Variants in ATG2B observed in about 807,000 individuals in gnomAD.
The protein encoded by ATG2B is autophagy related 2B, also known as autophagy-related protein 2 homolog B.
A neutral mutation model predicts 241.3 loss-of-function variants in ATG2B; 121 were observed. That is an observed-to-expected ratio of 0.50 (90% confidence interval 0.43 to 0.58). The LOEUF is 0.58. ATG2B is among the 20% of genes least tolerant of loss of function. The pLI, the probability that ATG2B is intolerant of heterozygous loss-of-function variation, is 0.00. For missense variants in ATG2B, 2,306 were observed against 2,491.6 expected (o/e 0.93, Z 1.59); for synonymous variants, 858 against 876.6 (o/e 0.98, Z 0.37).
chr14:96,290,484 T>C lies in ATG2B; in HGVS notation c.5808A>G (p.Thr1936=), dbSNP rs756258909. 6.2e-7 allele frequency: 1 copy of C among 1,614,260 alleles called. No homozygotes were observed. The highest frequency in any genetic ancestry group is 1.3e-5 in the African/African-American group (1 of 75,066). ...QRGAASFGTS[T]AMAALELTNR... ...TTGTGAGTTCTAGAGCAGCCATCGC[T>C]GTCGAGGTACCAAAGGAAGCAGCGC... Residue 1936 remains threonine (T), a synonymous_variant, in exon 40 of 42, where the codon ACA becomes ACG. Coordinates refer to ENST00000359933, the MANE Select transcript of ATG2B (RefSeq NM_018036.7). This position sits in a 1 kb window ranked among gnomAD's most constrained non-coding sequence, Gnocchi z 4.4.
Position 96,313,128 on chromosome 14 carries a change from A to G in ATG2B, c.3779T>C (p.Leu1260Pro). The G allele has an allele frequency of 6.2e-7, 1 of 1,613,686 alleles. No homozygotes were observed. The highest frequency in any genetic ancestry group is 8.5e-7 in the Non-Finnish European group (1 of 1,179,730). The change falls in exon 25 of 42, where the codon CTT (leucine) becomes CCT (proline). Residue 1260 changes from leucine (L) to proline (P), a missense_variant. By Grantham distance (98) the Leu-to-Pro change is moderately conservative. This residue lies in a region of ATG2B where 1,927 missense variants were observed against 2,011.2 expected (regional missense o/e 0.96). Coordinates refer to ENST00000359933, the MANE Select transcript of ATG2B (RefSeq NM_018036.7). ...RPLYLPIRSL[L>P]TVETFSVSSS... ...GGAAACACTGAATGTTTCCACGGTA[A>G]GAAGAGATCGGATTGGCAAATAAAG...
At chr14:96,306,581 A>T in intron 30 of ATG2B, 133 bp downstream of exon 30, 2 of 682,832 alleles carry the variant, frequency 2.9e-6, no homozygotes, top group Non-Finnish European at 4.7e-6. Flanking sequence ...AACTGTCAAT[A>T]GTATATTAAA....
chr14:96,330,501 C>A (rs1005391751), intron 11 of ATG2B, among the ~76,000 whole-genome samples: 1 of 151,486 alleles, frequency 6.6e-6, no homozygotes, highest in South Asian at 2.1e-4. Context: ...TGGTGGCTCA[C>A]GCCTGTAATC....
chr14:96,309,967 GC>G (rs1887104572), intron 28 of ATG2B, among the ~76,000 whole-genome samples: 1 of 152,122 alleles, frequency 6.6e-6, no homozygotes, highest in Non-Finnish European at 1.5e-5. Flanking sequence ...TTGACATAAA[GC>G]CCCTGTAGGA....
At chr14:96,301,289 C>G (rs947889101) in intron 34 of ATG2B, among the ~76,000 whole-genome samples, 1 of 135,854 alleles carries the variant, frequency 7.4e-6, no homozygotes, top group Non-Finnish European at 1.6e-5. Context: ...TGTTCAGTAA[C>G]TTACCCGAAG....
At chr14:96,339,775 C>T (rs923069291) in intron 6 of ATG2B, among the ~76,000 whole-genome samples, 2 of 151,626 alleles carry the variant, frequency 1.3e-5, no homozygotes, top group Non-Finnish European at 2.9e-5. Context: ...CTGAGTATAC[C>T]GTACACTGCT....
In ATG2B at chr14:96,332,649, T is replaced by A. The variant is rs1056417078; in HGVS notation, c.1214A>T (p.Glu405Val). 1 of 1,561,560 alleles carries A rather than the reference T, an allele frequency of 6.4e-7. No homozygotes were observed. The highest frequency in any genetic ancestry group is 1.2e-5 in the South Asian group (1 of 80,250). ...TARTPSSREE[E>V]VFFSMADMDM... ...CATATCAGCCATGGAGAAGAATACT[T>A]CTTCTTCTAGAGAGAATTAAACTAT... Residue 405 changes from glutamate (E) to valine (V), a missense_variant, in exon 9 of 42, where the codon GAA becomes GTA. Transcript: ENST00000359933.
chr14:96,348,316 A>G (rs978681400), intron 1 of ATG2B, among the ~76,000 whole-genome samples: 1 of 152,170 alleles, frequency 6.6e-6, no homozygotes, highest in African/African-American at 2.4e-5. Context: ...TAGCAGAAGG[A>G]TGGTTACCAG....
At position 96,331,532 on chromosome 14, in the gene ATG2B, G is replaced by A; in HGVS notation, c.1574C>T (p.Ser525Phe). 6.2e-7 allele frequency: 1 copy of A among 1,614,126 alleles called. No homozygotes were observed. The highest frequency in any genetic ancestry group is 8.5e-7 in the Non-Finnish European group (1 of 1,180,012). The change falls in exon 11 of 42, where the codon TCT becomes TTT. Residue 525 changes from serine to phenylalanine, a missense_variant. Physicochemically the swap from Ser to Phe is radical, Grantham distance 155 (BLOSUM62 -2). Coordinates refer to ENST00000359933, the MANE Select transcript of ATG2B (RefSeq NM_018036.7). Reference sequence around the variant, plus strand: ...AAGGTTCTGTGACGTTTCAGGTGGAGATAAAGGATCAATGTGAAGCACAGA... The same window carrying A: ...AAGGTTCTGTGACGTTTCAGGTGGAAATAAAGGATCAATGTGAAGCACAGA... ...SISVLHIDPL[S>F]PPETSQNLNP... is the part of the protein sequence containing the mutation.
chr14:96,308,570 T>C (rs1213090637), intron 29 of ATG2B, among the ~76,000 whole-genome samples: 3 of 150,904 alleles, frequency 2.0e-5, no homozygotes, highest in African/African-American at 4.9e-5. Flanking sequence ...CCCAAAGTGC[T>C]AGATTACAGG....
chr14:96,311,528 T>C lies in ATG2B; in HGVS notation c.3990+14A>G, dbSNP rs1169629144. 5 of 1,576,426 alleles carry C rather than the reference T, an allele frequency of 3.2e-6. No homozygotes were observed. The highest frequency in any genetic ancestry group is 4.3e-6 in the Non-Finnish European group (5 of 1,156,624). On this transcript the variant is annotated intron_variant, in intron 27 of 41. Transcript: ENST00000359933. ...AAATAGAACTTAAAATTTTCATTTA[T>C]TTTAATAACTCACTTGCTCTCCATC...
In ATG2B at chr14:96,289,382, G is replaced by A. The variant is rs12148011; in HGVS notation, c.6006+274C>T. On this transcript the variant is annotated intron_variant, in intron 41 of 41. Coordinates refer to ENST00000359933, the MANE Select transcript of ATG2B (RefSeq NM_018036.7). This position sits in a 1 kb window ranked among gnomAD's most constrained non-coding sequence, Gnocchi z 4.3. ...TGTTAAACCTAGACAGCGATCACACGGCATTTGTTTCTATCACTCCCTGAG... is the reference window on the plus strand; with the variant it reads ...TGTTAAACCTAGACAGCGATCACACAGCATTTGTTTCTATCACTCCCTGAG... The A allele has an allele frequency of 0.76, 229,762 of 302,514 alleles. 88,455 individuals are homozygous for A. Among genetic ancestry groups the A allele is most frequent in the African/African-American group, 0.93 (43,463 of 46,726 alleles). The allele number at this position is 302,514 out of a possible 1,614,324, so 18.7% of individuals were successfully genotyped here.
rs1156798106 is a variant in ATG2B at position 96,290,839 on chromosome 14, T to C, written c.5676A>G (p.Gly1892=). Residue 1892 remains glycine (G), a synonymous_variant, in exon 39 of 42, where the codon GGA becomes GGG. Coordinates refer to ENST00000359933, the MANE Select transcript of ATG2B (RefSeq NM_018036.7). This position sits in a 1 kb window ranked among gnomAD's most constrained non-coding sequence, Gnocchi z 4.4. ...CTAATTGTACTAGTGAATGCATAGG[T>C]CCAACACCTCCCAGGATTCCTGGTA... is the stretch of plus-strand genomic sequence containing the variant. ...NQLPGILGGV[G]PMHSLVQLVQ... 6.2e-7 allele frequency: 1 copy of C among 1,613,868 alleles called. No homozygotes were observed. Among genetic ancestry groups the C allele is most frequent in the South Asian group, 1.1e-5 (1 of 90,970 alleles).
chr14:96,294,990 G>A lies in ATG2B; in HGVS notation c.5396C>T (p.Ala1799Val). 1 of 1,614,160 alleles carries A rather than the reference G, an allele frequency of 6.2e-7. No individual in the cohort carries two copies. Among genetic ancestry groups the A allele is most frequent in the Non-Finnish European group, 8.5e-7 (1 of 1,180,008 alleles). The change falls in exon 36 of 42, where the codon GCA becomes GTA. Residue 1799 changes from alanine (A) to valine (V), a missense_variant. Physicochemically the swap from Ala to Val is moderately conservative, Grantham distance 64. This residue lies in a region of ATG2B where 379 missense variants were observed against 480.4 expected (regional missense o/e 0.79). Transcript: ENST00000359933. The part of the protein sequence containing the change: ...MEEKNFSAEE[A>V]SFRDQPVFFR... ...AAACACAGGCTGATCCCTAAAAGAT[G>A]CTTCTTCAGCAGAGAAGTTCTTCTC...
At position 96,290,247 on chromosome 14, in the gene ATG2B, C is replaced by T; in HGVS notation, c.5856+189G>A. 8.1e-7 allele frequency: 1 copy of T among 1,237,964 alleles called. No homozygotes were observed. The highest frequency in any genetic ancestry group is 2.0e-5 in the South Asian group (1 of 49,262). The allele number at this position is 1,237,964 out of a possible 1,614,324, so 76.7% of individuals were successfully genotyped here. On this transcript the variant is annotated intron_variant, in intron 40 of 41. Transcript: ENST00000359933. The surrounding 1 kb of genome is among the most constrained non-coding windows in gnomAD (Gnocchi z 4.4). Reference sequence around the variant, plus strand: ...GGCAAACAAATCTGACACTGTATTCCACTGCTTTATTCTAATTATTTAACA... The same window carrying T: ...GGCAAACAAATCTGACACTGTATTCTACTGCTTTATTCTAATTATTTAACA...
intron 20 of ATG2B, 152 bp downstream of exon 20, chr14:96,316,993 C>T (rs922546714): frequency 1.3e-6 from 1 of 751,378 alleles, no homozygotes; most frequent in Non-Finnish European, 2.1e-6. Flanking sequence ...CCCAAAGTTG[C>T]TATCATCATG....
In ATG2B at chr14:96,329,525, A is replaced by G. The variant is rs749097604; in HGVS notation, c.1840T>C (p.Phe614Leu). Reference protein sequence around the residue: ...IGQMEFLECLFPTDFHSVPPH... With the variant: ...IGQMEFLECLLPTDFHSVPPH... ...GGAACAGAATGAAAATCAGTTGGAAATAGGCACTCCAAAAATTCCATTTGC... is the reference window on the plus strand; with the variant it reads ...GGAACAGAATGAAAATCAGTTGGAAGTAGGCACTCCAAAAATTCCATTTGC... The change falls in exon 12 of 42, where the codon TTT (phenylalanine) becomes CTT (leucine). Residue 614 changes from phenylalanine (F) to leucine (L), a missense_variant. This residue lies in a region of ATG2B where 1,927 missense variants were observed against 2,011.2 expected (regional missense o/e 0.96). Transcript: ENST00000359933. 2 of 1,612,874 alleles carry G rather than the reference A, an allele frequency of 1.2e-6. No individual in the cohort carries two copies. Among genetic ancestry groups the G allele is most frequent in the Non-Finnish European group, 1.7e-6 (2 of 1,179,156 alleles).
intron 2 of ATG2B, 45 bp from the exon 3 acceptor site, chr14:96,345,430 C>T (rs1297506262): frequency 1.4e-6 from 2 of 1,395,428 alleles, no homozygotes; most frequent in Non-Finnish European, 9.7e-7. Context: ...TTAAGAGTTA[C>T]AACAATGCCA....
Position 96,317,216 on chromosome 14 carries a change from T to A in ATG2B, c.3139A>T (p.Asn1047Tyr), listed in dbSNP as rs374044387. ...AGAACTGAGAGAAAACTCTGAGAGT[T>A]CTTGTTCTGAGAGTCTAATTTTTTT... ...RKKKLDSQNK[N>Y]SQSFLSVLLN... Residue 1047 changes from asparagine (N) to tyrosine (Y), a missense_variant, in exon 20 of 42, where the codon AAC (asparagine) becomes TAC (tyrosine). Physicochemically the swap from Asn to Tyr is moderately radical, Grantham distance 143 (BLOSUM62 -2). Transcript: ENST00000359933. 1 of 1,613,690 alleles carries A rather than the reference T, an allele frequency of 6.2e-7. No homozygotes were observed. Among genetic ancestry groups the A allele is most frequent in the Non-Finnish European group, 8.5e-7 (1 of 1,179,620 alleles).
Sources: gnomAD v4.1 joint callset for allele counts (sites outside exome capture counted in the v4.1 genomes callset) on GRCh38, gnomAD v4.1.1 for gene constraint, gnomAD v4.1.1 regional missense constraint, Gnocchi (gnomAD v3.1) non-coding constraint, MANE v1.5 for transcripts, NCBI Gene and HGNC (gene_info 2026-07-23, HGNC 2026-07-21) for gene names.